Variants in SH3BGRL2 observed in about 807,000 individuals in gnomAD.
SH3BGRL2 encodes the protein SH3 domain-binding glutamic acid-rich-like protein 2.
Under a neutral mutation model 14.8 loss-of-function variants are expected in SH3BGRL2, and 21 were observed. The ratio of observed to expected loss-of-function variants is 1.42; its 90% CI spans 1.01 to 2.05. SH3BGRL2 has a LOEUF of 2.05. Among genes scored for constraint, SH3BGRL2 ranks in the 30% most tolerant of loss-of-function variants. The pLI, the probability that SH3BGRL2 is intolerant of heterozygous loss-of-function variation, is 0.00. For synonymous variants in SH3BGRL2, 50 were observed against 47.8 expected (o/e 1.05, Z -0.19); for missense variants, 147 against 130.8 (o/e 1.12, Z -0.61).
At position 79,670,708 on chromosome 6, in the gene SH3BGRL2, A is replaced by C. The variant is rs558206353; in HGVS notation, c.46-2906A>C. 7.2e-5 allele frequency among the ~76,000 whole-genome samples: 11 copies of C among 152,318 alleles called. No individual in the cohort carries two copies. In the East Asian group the frequency reaches 1.9e-3, roughly 27 times the overall value. ...CAGAAAGGTGTAGAATAGGTTGTGC[A>C]TGAAGAGACTGGGGTGGCAGCTACA... is the stretch of plus-strand genomic sequence containing the variant. On this transcript the variant is annotated intron_variant, in intron 1 of 3. Coordinates refer to ENST00000369838, the MANE Select transcript of SH3BGRL2 (RefSeq NM_031469.4).
chr6:79,632,429 G>T (rs1222253070), intron 1 of SH3BGRL2, among the ~76,000 whole-genome samples: 1 of 152,112 alleles, frequency 6.6e-6, no homozygotes, highest in Non-Finnish European at 1.5e-5. Context: ...AGATTTAAGA[G>T]CCTCCTTTGT....
the SH3BGRL2 span, among the ~76,000 whole-genome samples, chr6:79,594,651 G>T: frequency 6.6e-6 from 1 of 152,116 alleles, no homozygotes; most frequent in Non-Finnish European, 1.5e-5. Context: ...GCTGGTAGAT[G>T]AGGCAGCAGC....
At chr6:79,627,529 G>A (rs879777569), upstream of SH3BGRL2, among the ~76,000 whole-genome samples, 7 of 152,278 alleles carry the variant, frequency 4.6e-5, no homozygotes, top group Non-Finnish European at 5.9e-5. Flanking sequence ...GGCTTATGGA[G>A]GTGATGAAAT....
the SH3BGRL2 span, among the ~76,000 whole-genome samples, chr6:79,560,381 A>C: frequency 6.6e-6 from 1 of 152,230 alleles, no homozygotes; most frequent in Non-Finnish European, 1.5e-5. Flanking sequence ...GACTGAATAA[A>C]GATAACTAGC....
At position 79,649,989 on chromosome 6, in the gene SH3BGRL2, A is replaced by T. The variant is rs556467179; in HGVS notation, c.45+18483A>T. The stretch of plus-strand genomic sequence containing the variant: ...TGTACTCTCTCTCTCTCTCTCTCAC[A>T]CACACACACACACACACACACACAC... On this transcript the variant is annotated intron_variant, in intron 1 of 3. Transcript: ENST00000369838. Among the ~76,000 whole-genome samples, 880 of 138,772 alleles carry T rather than the reference A, an allele frequency of 6.3e-3. 2 individuals carry two copies. The highest frequency in any genetic ancestry group is 0.011 in the Middle Eastern group (3 of 268). The allele number at this position is 138,772 out of a possible 152,430, so 91.0% of individuals were successfully genotyped here. A position where few individuals can be genotyped will look rare whatever the true frequency, so the allele number is the denominator to read the frequency against.
the SH3BGRL2 span, among the ~76,000 whole-genome samples, chr6:79,595,904 A>G: frequency 2.0e-5 from 3 of 152,230 alleles, no homozygotes; most frequent in Non-Finnish European, 4.4e-5. Context: ...AGATGACATA[A>G]TCTTGTATTT....
At chr6:79,623,821 GAAT>G in the SH3BGRL2 span, among the ~76,000 whole-genome samples, 1 of 152,056 alleles carries the variant, frequency 6.6e-6, no homozygotes, top group African/African-American at 2.4e-5. Context: ...ACAGGAAAAA[GAAT>G]AATAAAAATA....
the SH3BGRL2 span, among the ~76,000 whole-genome samples, chr6:79,581,678 A>G: frequency 6.6e-6 from 1 of 152,226 alleles, no homozygotes; most frequent in Non-Finnish European, 1.5e-5. Flanking sequence ...CCCACAGCCA[A>G]TATCATACTG....
the SH3BGRL2 span, among the ~76,000 whole-genome samples, chr6:79,586,815 T>C: frequency 6.6e-6 from 1 of 152,312 alleles, no homozygotes; most frequent in Non-Finnish European, 1.5e-5. Context: ...ACTGCAAATA[T>C]GACTTGGAAT....
At chr6:79,660,061 A>G (rs918891618) in intron 1 of SH3BGRL2, among the ~76,000 whole-genome samples, 2 of 152,158 alleles carry the variant, frequency 1.3e-5, no homozygotes, top group Non-Finnish European at 2.9e-5. Flanking sequence ...GGGTTTTCTA[A>G]ATATACAATC....
rs73478208 is a variant in SH3BGRL2 at position 79,641,708 on chromosome 6, C to G, written c.45+10202C>G. On this transcript the variant is annotated intron_variant, in intron 1 of 3. Transcript: ENST00000369838. Reference sequence around the variant, plus strand: ...CTGAGAACTCAGTGCATGTTACCTACTTTTTCTGTATCATAATCATCTTCA... The same window carrying G: ...CTGAGAACTCAGTGCATGTTACCTAGTTTTTCTGTATCATAATCATCTTCA... Among the ~76,000 whole-genome samples, 1,138 of 152,230 alleles carry G rather than the reference C, an allele frequency of 7.5e-3. 19 individuals carry two copies. The highest frequency in any genetic ancestry group is 0.026 in the African/African-American group (1,090 of 41,512).
chr6:79,643,994 G>A (rs749958240), intron 1 of SH3BGRL2, among the ~76,000 whole-genome samples: 21 of 152,142 alleles, frequency 1.4e-4, no homozygotes, highest in Non-Finnish European at 2.9e-4. Context: ...TAGGTAATAC[G>A]GGGAAAGAAA....
chr6:79,689,051 G>T (rs1223279184), intron 2 of SH3BGRL2, among the ~76,000 whole-genome samples: 1 of 152,080 alleles, frequency 6.6e-6, no homozygotes, highest in Admixed American at 6.5e-5. Flanking sequence ...AACATGGCGT[G>T]TCATTAATTA....
At chr6:79,593,034 A>G in the SH3BGRL2 span, among the ~76,000 whole-genome samples, 2 of 152,218 alleles carry the variant, frequency 1.3e-5, no homozygotes, top group Non-Finnish European at 2.9e-5. Context: ...TCTTGATGGT[A>G]TACTACCTTA....
chr6:79,675,581 C>T (rs1354821286), intron 2 of SH3BGRL2, among the ~76,000 whole-genome samples: 1 of 151,884 alleles, frequency 6.6e-6, no homozygotes. Flanking sequence ...TCTTGAGTGC[C>T]TATTAATTTG....
chr6:79,584,063 G>A, the SH3BGRL2 span, among the ~76,000 whole-genome samples: 1 of 152,280 alleles, frequency 6.6e-6, no homozygotes, highest in Admixed American at 6.5e-5. Flanking sequence ...TAGGTCTAGT[G>A]AATGAAAATA....
chr6:79,553,967 CA>C, the SH3BGRL2 span, among the ~76,000 whole-genome samples: 163 of 126,650 alleles, frequency 1.3e-3, no homozygotes, highest in South Asian at 2.0e-3. Flanking sequence ...GACTCTGTCT[CA>C]AAAAAAAAAA....
At chr6:79,582,605 C>T in the SH3BGRL2 span, among the ~76,000 whole-genome samples, 3 of 152,198 alleles carry the variant, frequency 2.0e-5, no homozygotes, top group African/African-American at 7.2e-5. Flanking sequence ...GAAACTGGAT[C>T]ACTTCCTTAC....
chr6:79,689,766 A>G (rs1451062176), intron 2 of SH3BGRL2, among the ~76,000 whole-genome samples: 2 of 152,158 alleles, frequency 1.3e-5, no homozygotes, highest in East Asian at 3.9e-4. Flanking sequence ...GTTTTTAATT[A>G]TAAACACTGA....
Sources: gnomAD v4.1 joint callset for allele counts (sites outside exome capture counted in the v4.1 genomes callset) on GRCh38, gnomAD v4.1.1 for gene constraint, MANE v1.5 for transcripts, NCBI Gene and HGNC (gene_info 2026-07-23, HGNC 2026-07-21) for gene names.